SHROOM2: variants seen among roughly 807,000 people sequenced by gnomAD.
SHROOM2 encodes protein Shroom2.
A neutral mutation model predicts 75.9 loss-of-function variants in SHROOM2; 33 were observed. That is an observed-to-expected ratio of 0.43 (90% CI 0.33 to 0.58). The LOEUF (loss-of-function observed/expected upper bound fraction) is 0.58. SHROOM2 is among the 20% of genes least tolerant of loss of function. The pLI is 0.04. For missense variants in SHROOM2, 1,434 were observed against 1,461.2 expected (o/e 0.98, Z 0.30); for synonymous variants, 655 against 663.6 (o/e 0.99, Z 0.20).
chrX:9,910,934 C>T (rs932793124), intron 5 of SHROOM2, among the ~76,000 whole-genome samples: 10 of 110,724 alleles, frequency 9.0e-5, no homozygotes, highest in African/African-American at 2.6e-4. Context: ...CCTCCCGCCT[C>T]GGCCTCCCAA....
intron 1 of SHROOM2, among the ~76,000 whole-genome samples, chrX:9,814,952 C>T (rs1204188913): frequency 9.0e-6 from 1 of 111,514 alleles, no homozygotes; most frequent in Non-Finnish European, 1.9e-5. Flanking sequence ...TCTTTCTCTA[C>T]AGGAGATAAG....
intron 1 of SHROOM2, among the ~76,000 whole-genome samples, chrX:9,857,385 A>ATT (rs3047816): frequency 1.6e-4 from 16 of 102,790 alleles, no homozygotes; most frequent in African/African-American, 4.3e-4. Flanking sequence ...TTAATTAAGA[A>ATT]TTTTTTTTTT....
At position 9,895,555 on chromosome X, in the gene SHROOM2, C is replaced by A. The variant is rs781745808; in HGVS notation, c.1647C>A (p.Ala549=). The change falls in exon 4 of 10, where the codon GCC becomes GCA. Residue 549 remains alanine, a synonymous_variant. Coordinates refer to ENST00000380913, the MANE Select transcript of SHROOM2 (RefSeq NM_001649.4). ...DKGAEGCSAG[A]QEPPRASRAE... Reference sequence around the variant, plus strand: ...GGGCCGAGGGCTGCTCCGCGGGAGCCCAGGAGCCTCCCAGGGCCAGCCGTG... The same window carrying A: ...GGGCCGAGGGCTGCTCCGCGGGAGCACAGGAGCCTCCCAGGGCCAGCCGTG... The A allele has an allele frequency of 8.5e-7, 1 of 1,177,533 alleles. No homozygotes were observed. The highest frequency in any genetic ancestry group is 1.1e-6 in the Non-Finnish European group (1 of 880,110).
intron 1 of SHROOM2, among the ~76,000 whole-genome samples, chrX:9,868,728 T>C (rs1178326691): frequency 0.041 from 43 of 1,057 alleles, no homozygotes; most frequent in Admixed American, 0.089. Flanking sequence ...TTTTTTACCC[T>C]TTTTTTTTTT....
At chrX:9,933,173 G>C (rs2084668392) in intron 6 of SHROOM2, among the ~76,000 whole-genome samples, 1 of 111,019 alleles carries the variant, frequency 9.0e-6, no homozygotes, top group African/African-American at 3.3e-5. Flanking sequence ...GCATCTGCAG[G>C]GTAGAGGTCT....
chrX:9,813,560 G>A (rs1039322271), intron 1 of SHROOM2, among the ~76,000 whole-genome samples: 3 of 111,772 alleles, frequency 2.7e-5, no homozygotes, highest in Non-Finnish European at 5.6e-5. Context: ...TGTTCGTAAT[G>A]TAGTGGGGTC....
At chrX:9,819,157 T>C (rs930605187) in intron 1 of SHROOM2, 101 of 1,174,176 alleles carry the variant, frequency 8.6e-5, no homozygotes, top group Non-Finnish European at 1.1e-4. Context: ...TTACCTATTG[T>C]TTGCTGCTTT....
chrX:9,823,011 TCTTCTC>T (rs1569142041), intron 1 of SHROOM2, among the ~76,000 whole-genome samples: 28 of 80,387 alleles, frequency 3.5e-4, no homozygotes, highest in African/African-American at 5.5e-4. Context: ...TTCTTCTTCT[TCTTCTC>T]CTTCTCCTTC....
At chrX:9,801,693 C>T (rs1290012411) in intron 1 of SHROOM2, among the ~76,000 whole-genome samples, 2 of 112,028 alleles carry the variant, frequency 1.8e-5, no homozygotes, top group East Asian at 5.6e-4. Context: ...GTGGCTCGTG[C>T]ATGTAATCCT....
chrX:9,912,250 CAT>C (rs2084436028), intron 5 of SHROOM2, among the ~76,000 whole-genome samples: 1 of 51,440 alleles, frequency 1.9e-5, no homozygotes, highest in African/African-American at 8.1e-5. Flanking sequence ...CACACACACA[CAT>C]AAAGGAAGAC....
At chrX:9,918,259 A>G (rs2084509192) in intron 5 of SHROOM2, among the ~76,000 whole-genome samples, 1 of 112,305 alleles carries the variant, frequency 8.9e-6, no homozygotes, top group Admixed American at 9.4e-5. Context: ...TCCTCTCTTA[A>G]TAGTGAAGAT....
chrX:9,897,572 A>AAG (rs2084339952), intron 4 of SHROOM2, among the ~76,000 whole-genome samples: 2 of 6,978 alleles, frequency 2.9e-4, no homozygotes, highest in Non-Finnish European at 8.5e-4. Context: ...AAAAAAAAGA[A>AAG]AAAAAAAACT....
At chrX:9,816,000 G>A (rs961206499) in intron 1 of SHROOM2, among the ~76,000 whole-genome samples, 4 of 112,139 alleles carry the variant, frequency 3.6e-5, no homozygotes, top group South Asian at 3.7e-4. Context: ...TACTATGTAC[G>A]GATTTGCCTA....
At chrX:9,928,736 T>A (rs918273895) in intron 5 of SHROOM2, among the ~76,000 whole-genome samples, 5 of 109,455 alleles carry the variant, frequency 4.6e-5, no homozygotes, top group African/African-American at 6.7e-5. Flanking sequence ...TCTACACACA[T>A]ACACAACCCA....
intron 1 of SHROOM2, among the ~76,000 whole-genome samples, chrX:9,838,812 G>C (rs986361824): frequency 8.9e-6 from 1 of 111,956 alleles, no homozygotes; most frequent in Non-Finnish European, 1.9e-5. Flanking sequence ...TTCTGTGTGA[G>C]AGAAACCATC....
At chrX:9,823,073 TC>T (rs1296050925) in intron 1 of SHROOM2, among the ~76,000 whole-genome samples, 7 of 14,424 alleles carry the variant, frequency 4.9e-4, no homozygotes, top group East Asian at 8.6e-3. Context: ...CTCCTCCTCC[TC>T]CCTTCTCCCT....
rs200340500 is a variant in SHROOM2, at chrX:9,853,881, CAAAT to C, written c.166-19770_166-19767del. ...TAGACATTGATGAATTTTCACACAG[CAAAT>C]CATACTTGTGACCCCACCCAGATGA... is the stretch of plus-strand genomic sequence containing the variant. On this transcript the variant is annotated intron_variant, in intron 1 of 9. Transcript: ENST00000380913. 6.7e-3 allele frequency among the ~76,000 whole-genome samples: 756 copies of C among 112,346 alleles called. 8 individuals carry two copies. The highest frequency in any genetic ancestry group is 0.024 in the African/African-American group (732 of 30,948).
At chrX:9,837,079 T>G (rs906606459) in intron 1 of SHROOM2, among the ~76,000 whole-genome samples, 1 of 112,703 alleles carries the variant, frequency 8.9e-6, no homozygotes, top group African/African-American at 3.2e-5. Context: ...GTGCTGGTCC[T>G]TGGTGCAGAC....
intron 1 of SHROOM2, among the ~76,000 whole-genome samples, chrX:9,810,464 T>C (rs1278503909): frequency 9.0e-6 from 1 of 111,312 alleles, no homozygotes; most frequent in Non-Finnish European, 1.9e-5. Flanking sequence ...GCCAACACTG[T>C]AACTCCCTTC....
Sources: allele counts gnomAD v4.1 joint callset (sites outside exome capture counted in the v4.1 genomes callset), GRCh38; gene constraint gnomAD v4.1.1; transcripts MANE v1.5; gene names NCBI Gene and HGNC (gene_info 2026-07-23, HGNC 2026-07-21).